ANKH: variants seen among roughly 807,000 people sequenced by gnomAD.
The protein encoded by ANKH is mineralization regulator ANKH.
ANKH carries 15 observed loss-of-function variants against 49.0 expected under a neutral mutation model. The ratio of observed to expected loss-of-function variants is 0.31; its 90% CI spans 0.20 to 0.47. The LOEUF (loss-of-function observed/expected upper bound fraction) is 0.47, where lower values mean the gene tolerates loss of function less well. Among genes scored for constraint, ANKH ranks in the 20% least tolerant of loss-of-function variants. ANKH has a pLI of 1.00. For missense variants in ANKH, 429 were observed against 652.0 expected, an observed-to-expected ratio of 0.66 and a Z score of 3.72; for synonymous variants, 273 against 260.0, an observed-to-expected ratio of 1.05 and a Z score of -0.48.
intron 1 of ANKH, among the ~76,000 whole-genome samples, chr5:14,775,283 G>A (rs1739581064): frequency 6.6e-6 from 1 of 151,984 alleles, no homozygotes; most frequent in Non-Finnish European, 1.5e-5. Context: ...GGCCCAGGCT[G>A]GTCTTGGCTG....
chr5:14,808,771 T>C (rs2126569903), intron 1 of ANKH, among the ~76,000 whole-genome samples: 1 of 140,310 alleles, frequency 7.1e-6, no homozygotes, highest in Middle Eastern at 3.4e-3. Flanking sequence ...TGGAAGTCAG[T>C]GTGGCGATTC....
chr5:14,714,138 A>G (rs1388609519), intron 9 of ANKH, among the ~76,000 whole-genome samples: 2 of 152,226 alleles, frequency 1.3e-5, no homozygotes, highest in African/African-American at 2.4e-5. Flanking sequence ...TAGGAGGAGG[A>G]AGCTGCTCGT....
intron 1 of ANKH, among the ~76,000 whole-genome samples, chr5:14,787,135 G>A (rs1561055069): frequency 1.3e-5 from 2 of 152,244 alleles, no homozygotes; most frequent in South Asian, 2.1e-4. Context: ...CCAACATGGT[G>A]AAACCCCGTC....
chr5:14,750,345 T>C (rs930945170), intron 5 of ANKH, among the ~76,000 whole-genome samples: 5 of 152,236 alleles, frequency 3.3e-5, no homozygotes, highest in African/African-American at 1.2e-4. Context: ...TAAGGTTCTC[T>C]ATCTCATTCC....
At chr5:14,869,527 T>C (rs1008359339) in intron 1 of ANKH, 3 of 152,230 alleles carry the variant, frequency 2.0e-5, no homozygotes, top group African/African-American at 7.2e-5. Context: ...TTAAGTACTT[T>C]GCTTACATCA....
At position 14,820,784 on chromosome 5, in the gene ANKH, G is replaced by C. The variant is rs149988563; in HGVS notation, c.96+50568C>G. ...TTGGTAAAGGAGAGAATTTTTGTCAGTTTCTACCATAAGAAAAATTTAAGT... is the reference window on the plus strand; with the variant it reads ...TTGGTAAAGGAGAGAATTTTTGTCACTTTCTACCATAAGAAAAATTTAAGT... On this transcript the variant is annotated intron_variant, in intron 1 of 11. Transcript: ENST00000284268. 2.0e-4 allele frequency among the ~76,000 whole-genome samples: 30 copies of C among 152,318 alleles called. No homozygotes were observed. In the East Asian group the frequency reaches 5.8e-3, roughly 29 times the overall value.
At chr5:14,818,940 A>G (rs1741122487) in intron 1 of ANKH, among the ~76,000 whole-genome samples, 1 of 152,220 alleles carries the variant, frequency 6.6e-6, no homozygotes, top group Non-Finnish European at 1.5e-5. Context: ...TTTTGAAAAA[A>G]GCTAATTTTC....
At position 14,712,295 on chromosome 5, in the gene ANKH, CAACT is replaced by C. The variant is rs1229448931; in HGVS notation, c.1365+575_1365+578del. 2.0e-5 allele frequency among the ~76,000 whole-genome samples: 3 copies of C among 152,266 alleles called. No homozygotes were observed. In the East Asian group the frequency reaches 5.8e-4, roughly 29 times the overall value. On this transcript the variant is annotated intron_variant, in intron 11 of 11. Coordinates refer to ENST00000284268, the MANE Select transcript of ANKH (RefSeq NM_054027.6). ...CTGTTCACTCTGCTACTCTCTTGACCAACTGTTTCCCCACCCATGTGTCCTCGTT... is the reference window on the plus strand; with the variant it reads ...CTGTTCACTCTGCTACTCTCTTGACCGTTTCCCCACCCATGTGTCCTCGTT...
intron 2 of ANKH, among the ~76,000 whole-genome samples, chr5:14,762,742 G>A (rs921652490): frequency 4.7e-5 from 7 of 149,332 alleles, no homozygotes; most frequent in Non-Finnish European, 6.0e-5. Flanking sequence ...TTGGGGGGGT[G>A]GGGGGGTAAT....
chr5:14,870,332 C>G (rs1239051810), intron 1 of ANKH: 1 of 152,152 alleles, frequency 6.6e-6, no homozygotes, highest in Non-Finnish European at 1.5e-5. Flanking sequence ...CACAAATCTC[C>G]GATTTGTAAC....
chr5:14,746,375 T>C (rs565308139), intron 6 of ANKH, among the ~76,000 whole-genome samples: 10 of 151,796 alleles, frequency 6.6e-5, no homozygotes, highest in Non-Finnish European at 1.2e-4. Flanking sequence ...TCCCCGAGCA[T>C]TGGGGTCAGA....
intron 8 of ANKH, among the ~76,000 whole-genome samples, chr5:14,734,776 G>A (rs1738121007): frequency 6.6e-6 from 1 of 152,212 alleles, no homozygotes; most frequent in Admixed American, 6.5e-5. Context: ...GGCAGAACAC[G>A]GGTGTGTATT....
At chr5:14,757,811 A>G (rs1446007742) in intron 3 of ANKH, among the ~76,000 whole-genome samples, 1 of 152,226 alleles carries the variant, frequency 6.6e-6, no homozygotes, top group Non-Finnish European at 1.5e-5. Context: ...AAAAGTCAAC[A>G]GACAATTGGA....
At chr5:14,742,241 C>A (rs2126468093) in intron 7 of ANKH, among the ~76,000 whole-genome samples, 1 of 152,344 alleles carries the variant, frequency 6.6e-6, no homozygotes, top group South Asian at 2.1e-4. Context: ...GCCCCATGCA[C>A]CCCGCTCCTG....
At chr5:14,771,943 A>ACC (rs1163150773) in intron 1 of ANKH, among the ~76,000 whole-genome samples, 2 of 148,118 alleles carry the variant, frequency 1.4e-5, no homozygotes, top group African/African-American at 5.0e-5. Context: ...AAAAAAAAAA[A>ACC]AAAACCAAAA....
At chr5:14,836,314 G>C (rs1580106279) in intron 1 of ANKH, among the ~76,000 whole-genome samples, 2 of 152,318 alleles carry the variant, frequency 1.3e-5, no homozygotes, top group South Asian at 2.1e-4. Flanking sequence ...ATTAGGAAAA[G>C]AGGAAGTGAA....
intron 1 of ANKH, among the ~76,000 whole-genome samples, chr5:14,791,921 T>C (rs1740179626): frequency 2.0e-5 from 3 of 152,206 alleles, no homozygotes; most frequent in Non-Finnish European, 2.9e-5. Context: ...GCAAGAACCA[T>C]GGACCACACA....
intron 1 of ANKH, among the ~76,000 whole-genome samples, chr5:14,833,457 A>G (rs991825994): frequency 6.6e-6 from 1 of 152,232 alleles, no homozygotes; most frequent in South Asian, 2.1e-4. Context: ...GCTCTCAGAC[A>G]TATCAATCTT....
chr5:14,829,605 A>G (rs1002338744), intron 1 of ANKH, among the ~76,000 whole-genome samples: 2 of 152,214 alleles, frequency 1.3e-5, no homozygotes, highest in African/African-American at 4.8e-5. Flanking sequence ...TGCCTGACAT[A>G]TGATCTAGAA....
Sources: allele counts gnomAD v4.1 joint callset (sites outside exome capture counted in the v4.1 genomes callset), GRCh38; gene constraint gnomAD v4.1.1; transcripts MANE v1.5; gene names NCBI Gene and HGNC (gene_info 2026-07-23, HGNC 2026-07-21).